CELF4: variants seen among roughly 807,000 people sequenced by gnomAD.
CELF4 encodes the protein CUG-BP- and ETR-3-like factor 4.
In CELF4, 18 loss-of-function variants were observed where a neutral mutation model predicts 59.9. That is an observed-to-expected ratio of 0.30 (90% confidence interval 0.21 to 0.45). CELF4 has a LOEUF of 0.45. Among genes scored for constraint, CELF4 ranks in the 20% least tolerant of loss-of-function variants. The probability of loss-of-function intolerance (pLI) is 1.00; values close to 1 mark genes in which losing one functional copy is unlikely to be tolerated. For missense variants in CELF4, 456 were observed against 689.0 expected (o/e 0.66, Z 3.79); for synonymous variants, 261 against 267.1 (o/e 0.98, Z 0.22).
At chr18:37,376,893 C>T (rs1420673686) in intron 2 of CELF4, among the ~76,000 whole-genome samples, 2 of 152,146 alleles carry the variant, frequency 1.3e-5, no homozygotes, top group African/African-American at 4.8e-5. Flanking sequence ...CAGAGGAGAG[C>T]CCCTCCCTAC....
intron 1 of CELF4, among the ~76,000 whole-genome samples, chr18:37,505,770 G>A (rs41475954): frequency 0.051 from 7,694 of 152,256 alleles, 467 homozygotes; most frequent in Admixed American, 0.18. Context: ...CTCTACAGGG[G>A]GATCGATAGT....
intron 3 of CELF4, among the ~76,000 whole-genome samples, chr18:37,279,893 AC>A (rs2093907196): frequency 6.6e-6 from 1 of 152,186 alleles, no homozygotes; most frequent in Non-Finnish European, 1.5e-5. Context: ...CCTAGACTCA[AC>A]CCAGCCTCAT....
At chr18:37,285,198 G>C (rs2094611372) in intron 3 of CELF4, among the ~76,000 whole-genome samples, 2 of 152,196 alleles carry the variant, frequency 1.3e-5, no homozygotes, top group African/African-American at 2.4e-5. Flanking sequence ...TCCCTCCCCA[G>C]TCCTGCCCAT....
intron 1 of CELF4, among the ~76,000 whole-genome samples, chr18:37,539,448 GACACAC>G (rs35598472): frequency 7.4e-6 from 1 of 134,678 alleles, no homozygotes; most frequent in African/African-American, 2.9e-5. Flanking sequence ...GCACCTCTAA[GACACAC>G]ACACACACAC....
chr18:37,446,610 G>A (rs2099748890), intron 2 of CELF4, among the ~76,000 whole-genome samples: 1 of 152,146 alleles, frequency 6.6e-6, no homozygotes, highest in African/African-American at 2.4e-5. Context: ...CACAGTTTCT[G>A]GCACACAGCA....
intron 1 of CELF4, among the ~76,000 whole-genome samples, chr18:37,514,130 G>T (rs937840926): frequency 2.6e-5 from 4 of 152,054 alleles, no homozygotes; most frequent in African/African-American, 9.7e-5. Flanking sequence ...TGGGTCCCTG[G>T]TACCTCTTTC....
At chr18:37,305,162 G>C (rs2096313058) in intron 3 of CELF4, 1 of 152,242 alleles carries the variant, frequency 6.6e-6, no homozygotes, top group Non-Finnish European at 1.5e-5. Context: ...ATTAATAACA[G>C]GCTGCCGCCA....
At chr18:37,343,613 G>T (rs2098137230) in intron 2 of CELF4, among the ~76,000 whole-genome samples, 1 of 151,946 alleles carries the variant, frequency 6.6e-6, no homozygotes, top group Non-Finnish European at 1.5e-5. Context: ...ATGTGGGGGT[G>T]CGTGTGTATA....
intron 2 of CELF4, among the ~76,000 whole-genome samples, chr18:37,343,574 TGTGTGTATATGTGGGGTTGC>T (rs1176282834): frequency 2.7e-4 from 41 of 151,996 alleles, no homozygotes; most frequent in Middle Eastern, 3.4e-3. Flanking sequence ...GTGGTGCATA[TGTGTGTATATGTGGGGTTGC>T]GTGTGTATAT....
chr18:37,399,973 C>T (rs113736594), intron 2 of CELF4, among the ~76,000 whole-genome samples: 4,322 of 152,192 alleles, frequency 0.028, 212 homozygotes, highest in African/African-American at 0.097. Flanking sequence ...AGGCAAATCC[C>T]GGAGGCAAAC....
At chr18:37,510,715 TTC>T (rs1403772569) in intron 1 of CELF4, among the ~76,000 whole-genome samples, 3 of 130,064 alleles carry the variant, frequency 2.3e-5, no homozygotes, top group African/African-American at 8.6e-5. Flanking sequence ...TGCCCTGGGC[TTC>T]TGTTTTCTCC....
intron 10 of CELF4, among the ~76,000 whole-genome samples, chr18:37,263,756 C>T (rs1459558660): frequency 6.6e-6 from 1 of 152,100 alleles, no homozygotes; most frequent in Non-Finnish European, 1.5e-5. Flanking sequence ...TTTCCAGGAT[C>T]ACCCCCTTCT....
At chr18:37,454,963 C>T (rs962243276) in intron 2 of CELF4, among the ~76,000 whole-genome samples, 2 of 152,184 alleles carry the variant, frequency 1.3e-5, no homozygotes, top group Non-Finnish European at 2.9e-5. Flanking sequence ...CTAGAGTCAG[C>T]TCTGCCGTGG....
intron 12 of CELF4, among the ~76,000 whole-genome samples, chr18:37,251,444 C>T (rs927280773): frequency 2.0e-5 from 3 of 152,168 alleles, no homozygotes; most frequent in African/African-American, 7.2e-5. Context: ...TTCTTCTAAC[C>T]TAGAGGTTTT....
intron 1 of CELF4, among the ~76,000 whole-genome samples, chr18:37,552,824 C>A (rs1010175072): frequency 2.6e-5 from 4 of 152,204 alleles, no homozygotes; most frequent in Non-Finnish European, 5.9e-5. Context: ...CAGCTGGGGT[C>A]TCCTGGAGGA....
In CELF4 at chr18:37,504,373, C is replaced by T. The variant is rs151245264; in HGVS notation, c.287-18766G>A. On this transcript the variant is annotated intron_variant, in intron 1 of 12. Transcript: ENST00000420428. Reference sequence around the variant, plus strand: ...GGCATGGTGGTACGTGCCTGTAATCCGAGCTACTCTGGAGAGGTTGCAGTG... The same window carrying T: ...GGCATGGTGGTACGTGCCTGTAATCTGAGCTACTCTGGAGAGGTTGCAGTG... 3.1e-3 allele frequency among the ~76,000 whole-genome samples: 469 copies of T among 149,938 alleles called. 1 individual carries two copies. The highest frequency in any genetic ancestry group is 4.8e-3 in the Non-Finnish European group (323 of 67,748).
intron 1 of CELF4, among the ~76,000 whole-genome samples, chr18:37,505,093 C>G (rs2099936240): frequency 6.6e-6 from 1 of 151,092 alleles, no homozygotes; most frequent in Admixed American, 6.6e-5. Flanking sequence ...TTAGGAGAAG[C>G]AGGGGCAGGG....
chr18:37,462,557 C>T (rs1307410888), intron 2 of CELF4, among the ~76,000 whole-genome samples: 1 of 152,212 alleles, frequency 6.6e-6, no homozygotes, highest in African/African-American at 2.4e-5. Flanking sequence ...GGGTTGTCAG[C>T]ATCCATGAGT....
At chr18:37,260,954 G>A (rs936891474) in intron 10 of CELF4, among the ~76,000 whole-genome samples, 8 of 152,136 alleles carry the variant, frequency 5.3e-5, no homozygotes, top group East Asian at 1.9e-4. Flanking sequence ...TCCTGGTGCT[G>A]GATACCCCCG....
Sources: allele counts gnomAD v4.1 joint callset (sites outside exome capture counted in the v4.1 genomes callset), GRCh38; gene constraint gnomAD v4.1.1; transcripts MANE v1.5; gene names NCBI Gene and HGNC (gene_info 2026-07-23, HGNC 2026-07-21).